The following ESRRB variants were observed in gnomAD, a reference collection of about 807,000 sequenced individuals.
The protein encoded by ESRRB is steroid hormone receptor ERR2.
ESRRB carries 16 observed loss-of-function variants against 46.0 expected under a neutral mutation model. That is an observed-to-expected ratio of 0.35 (90% CI 0.24 to 0.53). The LOEUF (loss-of-function observed/expected upper bound fraction) is 0.53, where lower values mean the gene tolerates loss of function less well. ESRRB is among the 20% of genes least tolerant of loss of function. ESRRB has a pLI of 0.93. For synonymous variants in ESRRB, 246 were observed against 259.6 expected (o/e 0.95, Z 0.50); for missense variants, 488 against 607.4 (o/e 0.80, Z 2.07).
At chr14:76,337,741 C>T (rs1884144127) in intron 1 of ESRRB, among the ~76,000 whole-genome samples, 3 of 152,238 alleles carry the variant, frequency 2.0e-5, no homozygotes, top group Admixed American at 2.0e-4. Context: ...TCATGAGATC[C>T]TGGTCCTTGT....
chr14:76,439,727 CCTT>C lies in ESRRB; in HGVS notation c.442_444del (p.Phe148del). The C allele has an allele frequency of 6.2e-7, 1 of 1,614,004 alleles. No individual in the cohort carries two copies. Among genetic ancestry groups the C allele is most frequent in the Non-Finnish European group, 8.5e-7 (1 of 1,179,862 alleles). ...GTGGCCTCCTGCGAGGCTTGCAAGG[CCTT>C]CTTCAAGAGGACTATCCAAGGTGCG... On this transcript the variant is annotated inframe_deletion, in exon 2 of 7. Transcript: ENST00000644823.
intron 1 of ESRRB, among the ~76,000 whole-genome samples, chr14:76,382,169 A>G (rs1382726986): frequency 6.6e-6 from 1 of 152,160 alleles, no homozygotes; most frequent in Non-Finnish European, 1.5e-5. Flanking sequence ...ACATGTGTGA[A>G]TGTGTTCCGG....
chr14:76,361,806 T>G (rs958428104), intron 1 of ESRRB, among the ~76,000 whole-genome samples: 2 of 152,022 alleles, frequency 1.3e-5, no homozygotes, highest in Non-Finnish European at 2.9e-5. Context: ...AGGCATTGGG[T>G]TATGTGGTTG....
At chr14:76,496,961 C>T (rs1473736834) in intron 6 of ESRRB, among the ~76,000 whole-genome samples, 1 of 152,202 alleles carries the variant, frequency 6.6e-6, no homozygotes, top group Non-Finnish European at 1.5e-5. Flanking sequence ...CGATACAGAC[C>T]GGCTGATGGA....
At chr14:76,367,751 A>G (rs1213391529), upstream of ESRRB, among the ~76,000 whole-genome samples, 1 of 152,076 alleles carries the variant, frequency 6.6e-6, no homozygotes, top group Non-Finnish European at 1.5e-5. Context: ...ATAAGAAGGC[A>G]GTCCAGGGAA....
At chr14:76,448,377 G>A (rs1197591714) in intron 2 of ESRRB, among the ~76,000 whole-genome samples, 1 of 146,322 alleles carries the variant, frequency 6.8e-6, no homozygotes, top group Non-Finnish European at 1.5e-5. Flanking sequence ...TGCCCAGGCT[G>A]GAGTGCAGTG....
chr14:76,483,610 A>G (rs1217412483), intron 5 of ESRRB, among the ~76,000 whole-genome samples: 1 of 152,172 alleles, frequency 6.6e-6, no homozygotes, highest in Non-Finnish European at 1.5e-5. Context: ...ATTCTACATT[A>G]CATACACATT....
intron 1 of ESRRB, among the ~76,000 whole-genome samples, chr14:76,384,848 G>A: frequency 6.6e-6 from 1 of 152,070 alleles, no homozygotes; most frequent in South Asian, 2.1e-4. Flanking sequence ...CGCCTTCTTG[G>A]CCATTTGGCT....
upstream of ESRRB, chr14:76,371,418 A>G (rs556338868): frequency 2.6e-5 from 4 of 152,390 alleles, no homozygotes; most frequent in Non-Finnish European, 4.4e-5. Flanking sequence ...AGAGATGCGC[A>G]GGTTAGGCTC....
At chr14:76,324,410 G>A (rs1050116931) in intron 1 of ESRRB, among the ~76,000 whole-genome samples, 2 of 152,166 alleles carry the variant, frequency 1.3e-5, no homozygotes, top group African/African-American at 4.8e-5. Context: ...CTGGGGATGG[G>A]AGCATCACTG....
chr14:76,325,105 C>T (rs1883913903), intron 1 of ESRRB, among the ~76,000 whole-genome samples: 1 of 151,664 alleles, frequency 6.6e-6, no homozygotes, highest in Admixed American at 6.6e-5. Flanking sequence ...GCTGGGATTA[C>T]AGCTGTGTGC....
At chr14:76,435,582 C>T (rs1005525215) in intron 1 of ESRRB, among the ~76,000 whole-genome samples, 32 of 152,222 alleles carry the variant, frequency 2.1e-4, no homozygotes, top group Admixed American at 2.1e-3. Flanking sequence ...GTAATCCCAG[C>T]ACTTTGGGAG....
chr14:76,384,524 G>A lies in ESRRB; in HGVS notation c.50+8073G>A, dbSNP rs1885140792. Among the ~76,000 whole-genome samples, 3 of 152,310 alleles carry A rather than the reference G, an allele frequency of 2.0e-5. No homozygotes were observed. In the South Asian group the frequency reaches 6.2e-4, roughly 32 times the overall value. On this transcript the variant is annotated intron_variant, in intron 1 of 6. Transcript: ENST00000644823. The stretch of plus-strand genomic sequence containing the variant: ...CTCTGAATACGAACAGGCAGGTAGA[G>A]GAGAATACGGTGTTAACCACCTGGC...
intron 1 of ESRRB, among the ~76,000 whole-genome samples, chr14:76,412,176 G>A (rs1009003530): frequency 2.6e-5 from 4 of 152,150 alleles, no homozygotes; most frequent in Admixed American, 6.5e-5. Flanking sequence ...CTCGGACTCC[G>A]CCCTCACAGG....
At chr14:76,389,569 A>T (rs1303074473) in intron 1 of ESRRB, among the ~76,000 whole-genome samples, 2 of 152,214 alleles carry the variant, frequency 1.3e-5, no homozygotes, top group African/African-American at 4.8e-5. Context: ...CCATGGAGGC[A>T]GCTCTGGCTT....
intron 1 of ESRRB, among the ~76,000 whole-genome samples, chr14:76,433,988 G>T (rs1887563142): frequency 6.8e-6 from 1 of 148,106 alleles, no homozygotes; most frequent in Non-Finnish European, 1.5e-5. Context: ...TTTGAGACGG[G>T]GTCTCTGTCA....
At chr14:76,458,935 C>G (rs182974037) in intron 2 of ESRRB, among the ~76,000 whole-genome samples, 1 of 150,988 alleles carries the variant, frequency 6.6e-6, no homozygotes, top group African/African-American at 2.4e-5. Flanking sequence ...CCCTCTGGCT[C>G]CTGGGTTCAA....
chr14:76,337,541 G>A (rs189307789), intron 1 of ESRRB, among the ~76,000 whole-genome samples: 2 of 152,278 alleles, frequency 1.3e-5, no homozygotes, highest in South Asian at 2.1e-4. Context: ...ATGAGCAATG[G>A]GTAGGTGTGT....
intron 1 of ESRRB, among the ~76,000 whole-genome samples, chr14:76,385,666 C>T (rs1201351818): frequency 6.6e-6 from 1 of 152,224 alleles, no homozygotes; most frequent in Admixed American, 6.5e-5. Flanking sequence ...CTCCCACCAT[C>T]CCGTACTCCA....
Sources: allele counts gnomAD v4.1 joint callset (sites outside exome capture counted in the v4.1 genomes callset), GRCh38; gene constraint gnomAD v4.1.1; transcripts MANE v1.5; gene names NCBI Gene and HGNC (gene_info 2026-07-23, HGNC 2026-07-21).